The following PMPCB variants were observed in gnomAD, a reference collection of about 807,000 sequenced individuals.
PMPCB encodes the protein mitochondrial-processing peptidase subunit beta.
PMPCB carries 46 observed loss-of-function variants against 61.5 expected under a neutral mutation model. That is an observed-to-expected ratio of 0.75 (90% CI 0.59 to 0.96). PMPCB has a LOEUF of 0.96. Ranked by LOEUF, PMPCB falls within the 40% of genes least tolerant of loss-of-function variation. The pLI is 0.00. For synonymous variants in PMPCB, 191 were observed against 201.6 expected (o/e 0.95, Z 0.44); for missense variants, 590 against 602.4 (o/e 0.98, Z 0.22).
At chr7:103,306,405 G>A (rs1055850921) in intron 6 of PMPCB, among the ~76,000 whole-genome samples, 5 of 133,688 alleles carry the variant, frequency 3.7e-5, no homozygotes, top group African/African-American at 1.4e-4. Flanking sequence ...TTTTTGAGAT[G>A]GAGTTTTGCT....
At chr7:103,331,272 T>G (rs1818959210), downstream of PMPCB, among the ~76,000 whole-genome samples, 2 of 152,232 alleles carry the variant, frequency 1.3e-5, no homozygotes, top group African/African-American at 4.8e-5. Flanking sequence ...TTGTGCATAA[T>G]TCATGATACA....
rs572466040 is a variant in PMPCB, at chr7:103,310,219, C to G, written c.994-96C>G. ...GTTGAATAAAACTAGGAAACAGCCT[C>G]TAAGGATATTCACTATTTTCCACAC... On this transcript the variant is annotated intron_variant, in intron 8 of 12. Transcript: ENST00000249269. The G allele has an allele frequency of 5.1e-5, 44 of 869,490 alleles. No individual in the cohort carries two copies. The East Asian group carries it at 7.2e-4, about 14-fold the overall frequency. 53.9% of individuals were successfully genotyped at this position (869,490 alleles called of 1,614,324 possible). A position where few individuals can be genotyped will look rare whatever the true frequency, so the allele number is the denominator to read the frequency against.
chr7:103,321,897 T>G, intron 12 of PMPCB: 1 of 1,562,008 alleles, frequency 6.4e-7, no homozygotes, highest in Non-Finnish European at 8.7e-7. Context: ...GCAACTTGAT[T>G]TACTTGTGCC....
downstream of PMPCB, chr7:103,316,755 C>T: frequency 8.3e-7 from 1 of 1,206,448 alleles, no homozygotes; most frequent in Non-Finnish European, 1.2e-6. Flanking sequence ...ATAACAAGTG[C>T]TGCTATTTGG....
Position 103,314,386 on chromosome 7 carries a change from T to G in PMPCB, c.*2115T>G. Reference sequence around the variant, plus strand: ...ACTGAAGAGGAAGGAGCCTTCCCATTTCCATAAAAGAGGCAAAGGAGTCAT... The same window carrying G: ...ACTGAAGAGGAAGGAGCCTTCCCATGTCCATAAAAGAGGCAAAGGAGTCAT... On this transcript the variant is annotated 3_prime_UTR_variant, in exon 13 of 13. Transcript: ENST00000249269. 1.0e-6 allele frequency: 1 copy of G among 985,382 alleles called. No individual in the cohort carries two copies. The highest frequency in any genetic ancestry group is 1.2e-6 in the Non-Finnish European group (1 of 829,906). The allele number at this position is 985,382 out of a possible 1,614,324, so 61.0% of individuals were successfully genotyped here.
chr7:103,304,098 A>G (rs2115655124), intron 5 of PMPCB, 58 bp downstream of exon 5: 1 of 1,293,436 alleles, frequency 7.7e-7, no homozygotes, highest in East Asian at 2.3e-5. Flanking sequence ...GAAAATAAAC[A>G]TTTACAAATT....
chr7:103,346,064 A>G, the PMPCB span, among the ~76,000 whole-genome samples: 2 of 152,032 alleles, frequency 1.3e-5, no homozygotes, highest in African/African-American at 4.8e-5. Context: ...TCTTCATATT[A>G]ATATATTTTT....
At position 103,313,309 on chromosome 7, in the gene PMPCB, T is replaced by C; in HGVS notation, c.*1038T>C. 1 of 1,316,626 alleles carries C rather than the reference T, an allele frequency of 7.6e-7. No individual in the cohort carries two copies. Among genetic ancestry groups the C allele is most frequent in the Non-Finnish European group, 9.6e-7 (1 of 1,037,034 alleles). The allele number at this position is 1,316,626 out of a possible 1,614,324, so 81.6% of individuals were successfully genotyped here. On this transcript the variant is annotated 3_prime_UTR_variant, in exon 13 of 13. Transcript: ENST00000249269. ...AGCTCACATCCCAGAAAATAAAATC[T>C]CAAAGGCTTTTAAAACACAATAGTA...
rs1409443465 is a variant in PMPCB, at chr7:103,313,834, G to A, written c.*1563G>A. 49 of 985,224 alleles carry A rather than the reference G, an allele frequency of 5.0e-5. No homozygotes were observed. The highest frequency in any genetic ancestry group is 5.7e-5 in the Non-Finnish European group (47 of 829,858). 61.0% of individuals were successfully genotyped at this position (985,224 alleles called of 1,614,324 possible). A position where few individuals can be genotyped will look rare whatever the true frequency, so the allele number is the denominator to read the frequency against. On this transcript the variant is annotated 3_prime_UTR_variant, in exon 13 of 13. Transcript: ENST00000249269. ...ACACAGTCCACTTGTGTAGGTAAAA[G>A]TAGAATGTTAAGTGGTAGAAAGCTG...
the PMPCB span, among the ~76,000 whole-genome samples, chr7:103,342,230 T>TG: frequency 5.3e-5 from 8 of 152,134 alleles, no homozygotes; most frequent in African/African-American, 1.7e-4. Context: ...AGTACTTTTT[T>TG]GGGGATATGA....
intron 8 of PMPCB, among the ~76,000 whole-genome samples, chr7:103,310,020 T>C (rs1018111202): frequency 6.6e-6 from 1 of 152,188 alleles, no homozygotes; most frequent in Non-Finnish European, 1.5e-5. Flanking sequence ...TAGCCAAGAG[T>C]CCTAGAAATT....
chr7:103,327,843 G>C (rs1215855588), intron 12 of PMPCB: 11 of 723,578 alleles, frequency 1.5e-5, no homozygotes, highest in Non-Finnish European at 2.5e-5. Flanking sequence ...AAAATCATAA[G>C]GCTAATATTA....
At position 103,299,537 on chromosome 7, in the gene PMPCB, G is replaced by T. The variant is rs1817389683; in HGVS notation, c.327+8G>T. ...GAGCATATGGCTTTCAAGGCAAGTT[G>T]TAAGACTTTACAAAAATGCACTCTC... On this transcript the variant is annotated splice_region_variant and intron_variant, in intron 3 of 12. Coordinates refer to ENST00000249269, the MANE Select transcript of PMPCB (RefSeq NM_004279.3). The T allele has an allele frequency of 6.3e-7, 1 of 1,581,120 alleles. No homozygotes were observed. Among genetic ancestry groups the T allele is most frequent in the Non-Finnish European group, 8.7e-7 (1 of 1,153,754 alleles).
exon 13 of PMPCB, chr7:103,329,502 T>C (rs1586098189): frequency 6.6e-6 from 1 of 152,272 alleles, no homozygotes; most frequent in African/African-American, 2.4e-5. Flanking sequence ...TGACTGATCA[T>C]TTCTTTTGTA....
In PMPCB at chr7:103,299,438, T is replaced by A. The variant is rs1054973579; in HGVS notation, c.241-5T>A. The A allele has an allele frequency of 6.4e-7, 1 of 1,561,580 alleles. No homozygotes were observed. The highest frequency in any genetic ancestry group is 8.8e-7 in the Non-Finnish European group (1 of 1,136,816). ...TTTATTTAATTGTTCTTTGATTGCA[T>A]TAAGGTTGGACTCTGGATTGATGCT... is the stretch of plus-strand genomic sequence containing the variant. On this transcript the variant is annotated splice_polypyrimidine_tract_variant and splice_region_variant and intron_variant, in intron 2 of 12. Coordinates refer to ENST00000249269, the MANE Select transcript of PMPCB (RefSeq NM_004279.3).
In PMPCB at chr7:103,312,727, G is replaced by C. The variant is rs1817817552; in HGVS notation, c.*456G>C. Reference sequence around the variant, plus strand: ...CTAGTGTTTGGTGTAAAGAATTCAAGCAACTAAGATAGATAGTACTAAATA... The same window carrying C: ...CTAGTGTTTGGTGTAAAGAATTCAACCAACTAAGATAGATAGTACTAAATA... On this transcript the variant is annotated 3_prime_UTR_variant, in exon 13 of 13. Coordinates refer to ENST00000249269, the MANE Select transcript of PMPCB (RefSeq NM_004279.3). 13 of 1,580,390 alleles carry C rather than the reference G, an allele frequency of 8.2e-6. No homozygotes were observed. The highest frequency in any genetic ancestry group is 1.1e-5 in the Non-Finnish European group (13 of 1,169,536).
chr7:103,345,227 A>G, the PMPCB span: 7 of 153,596 alleles, frequency 4.6e-5, no homozygotes, highest in African/African-American at 1.7e-4. Context: ...CCTGCATTAT[A>G]TCTTTTAATA....
At chr7:103,300,098 C>A in intron 3 of PMPCB, 80 bp from the exon 4 acceptor site, 2 of 1,345,996 alleles carry the variant, frequency 1.5e-6, no homozygotes, top group Admixed American at 2.0e-5. Flanking sequence ...AACTTATGTC[C>A]TCCATATTCA....
the PMPCB span, chr7:103,341,796 T>C: frequency 5.6e-6 from 9 of 1,598,974 alleles, no homozygotes; most frequent in African/African-American, 2.7e-5. Flanking sequence ...GTTTTCAGCA[T>C]GGGAAACTCT....
Sources: gnomAD v4.1 joint callset for allele counts (sites outside exome capture counted in the v4.1 genomes callset) on GRCh38, gnomAD v4.1.1 for gene constraint, MANE v1.5 for transcripts, NCBI Gene and HGNC (gene_info 2026-07-23, HGNC 2026-07-21) for gene names.